Variants in HAS1 observed in about 807,000 individuals in gnomAD.
HAS1 encodes hyaluronan synthase 1.
Under a neutral mutation model 35.0 loss-of-function variants are expected in HAS1, and 27 were observed. The ratio of observed to expected loss-of-function variants is 0.77; its 90% CI spans 0.57 to 1.06. The LOEUF (loss-of-function observed/expected upper bound fraction) is 1.06, where lower values mean the gene tolerates loss of function less well. HAS1 is among the 50% of genes least tolerant of loss of function. HAS1 has a pLI of 0.00. For synonymous variants in HAS1, 409 were observed against 371.2 expected, an observed-to-expected ratio of 1.10 and a Z score of -1.17; for missense variants, 940 against 814.8, an observed-to-expected ratio of 1.15 and a Z score of -1.87.
intron 2 of HAS1, chr19:51,717,942 G>C (rs2083597904): frequency 6.6e-6 from 1 of 152,306 alleles, no homozygotes; most frequent in African/African-American, 2.4e-5. Context: ...TAATGCATTA[G>C]AATTGCTACA....
chr19:51,716,146 G>T, intron 4 of HAS1, 110 bp downstream of exon 4: 3 of 953,826 alleles, frequency 3.1e-6, no homozygotes, highest in African/African-American at 1.6e-5. Context: ...ACTTGATAGA[G>T]CCCATTGTCT....
rs58597876 is a variant in HAS1, at chr19:51,723,884, T to TACACACACACACACACACACAC, written c.9+19_9+40dup. On this transcript the variant is annotated intron_variant, in intron 1 of 4. Coordinates refer to ENST00000540069, the MANE Select transcript of HAS1 (RefSeq NM_001297436.2). ...CAGTAGTTTTCCCCACATGGCTGTATACACACACACACACACACACACACA... is the reference window on the plus strand; with the variant it reads ...CAGTAGTTTTCCCCACATGGCTGTATACACACACACACACACACACACACACACACACACACACACACACACA... 65 of 1,229,204 alleles carry TACACACACACACACACACACAC rather than the reference T, an allele frequency of 5.3e-5. 1 individual carries two copies. The highest frequency in any genetic ancestry group is 3.1e-4 in the East Asian group (11 of 35,314). 76.1% of individuals were successfully genotyped at this position (1,229,204 alleles called of 1,614,324 possible).
chr19:51,722,563 T>C (rs538321981), intron 1 of HAS1, among the ~76,000 whole-genome samples: 1 of 152,334 alleles, frequency 6.6e-6, no homozygotes, highest in East Asian at 1.9e-4. Flanking sequence ...GGCTAAGAAT[T>C]TGTGTGTGTG....
chr19:51,714,064 G>C lies in HAS1; in HGVS notation c.1097C>G (p.Ser366Trp). ...SRSRCYSETP[S>W]SFLRWLSQQT... The stretch of plus-strand genomic sequence containing the variant: ...CTGGCTCAGCCACCGCAGGAAGGAC[G>C]AGGGCGTCTCTGAGTAGCAGCGGGA... Residue 366 changes from serine (S) to tryptophan (W), a missense_variant, in exon 5 of 5, where the codon TCG (serine) becomes TGG (tryptophan). Coordinates refer to ENST00000540069, the MANE Select transcript of HAS1 (RefSeq NM_001297436.2). 4.3e-6 allele frequency: 7 copies of C among 1,613,680 alleles called. No individual in the cohort carries two copies. Among genetic ancestry groups the C allele is most frequent in the Non-Finnish European group, 5.9e-6 (7 of 1,179,876 alleles).
At chr19:51,718,445 T>A (rs1453294817) in intron 2 of HAS1, among the ~76,000 whole-genome samples, 1 of 152,114 alleles carries the variant, frequency 6.6e-6, no homozygotes, top group African/African-American at 2.4e-5. Context: ...AATAAATGAG[T>A]AAATGATCTC....
chr19:51,718,801 T>A (rs1200581943), intron 2 of HAS1, among the ~76,000 whole-genome samples: 4 of 152,180 alleles, frequency 2.6e-5, no homozygotes, highest in Non-Finnish European at 5.9e-5. Context: ...CCTCTCAAAG[T>A]GGCCGGCTGG....
chr19:51,720,008 C>T lies in HAS1; in HGVS notation c.10-113G>A. On this transcript the variant is annotated intron_variant, in intron 1 of 4. Transcript: ENST00000540069. Reference sequence around the variant, plus strand: ...TTCCCTCCTTCCCTTTCCCTCCCCTCCCTCTCTCTCTCCCTCCCTCCGTCC... The same window carrying T: ...TTCCCTCCTTCCCTTTCCCTCCCCTTCCTCTCTCTCTCCCTCCCTCCGTCC... 4.9e-6 allele frequency: 3 copies of T among 606,916 alleles called. No individual in the cohort carries two copies. In the Admixed American group the frequency reaches 9.4e-5, roughly 19 times the overall value. The allele number at this position is 606,916 out of a possible 1,614,324, so 37.6% of individuals were successfully genotyped here.
chr19:51,714,249 G>A (rs991483512), intron 4 of HAS1, 147 bp from the exon 5 acceptor site: 31 of 1,285,780 alleles, frequency 2.4e-5, no homozygotes, highest in Middle Eastern at 2.2e-4. Context: ...TGTAGAATAG[G>A]GTGGATAATG....
chr19:51,714,698 G>GAAAAA (rs55677402), intron 4 of HAS1, among the ~76,000 whole-genome samples: 7 of 126,328 alleles, frequency 5.5e-5, no homozygotes, highest in African/African-American at 2.1e-4. Flanking sequence ...CTCTATCTAA[G>GAAAAA]AAAAAAAAAA....
intron 4 of HAS1, among the ~76,000 whole-genome samples, chr19:51,715,828 G>A (rs977763886): frequency 6.6e-6 from 1 of 152,010 alleles, no homozygotes; most frequent in African/African-American, 2.4e-5. Flanking sequence ...TTTCTCCGTG[G>A]CTCTCTCACT....
In HAS1 at chr19:51,713,459, G is replaced by T. The variant is rs2083554591; in HGVS notation, c.1702C>A (p.Arg568=). The T allele has an allele frequency of 6.4e-7, 1 of 1,552,956 alleles. No individual in the cohort carries two copies. Among genetic ancestry groups the T allele is most frequent in the East Asian group, 2.3e-5 (1 of 43,748 alleles). Residue 568 remains arginine, a synonymous_variant, in exon 5 of 5, where the codon CGG becomes AGG. Coordinates refer to ENST00000540069, the MANE Select transcript of HAS1 (RefSeq NM_001297436.2). This position sits in a 1 kb window ranked among gnomAD's most constrained non-coding sequence, Gnocchi z 4.5. ...YWVGVRRLCR[R]RTGGYRVQV Reference sequence around the variant, plus strand: ...TGGACGCGGTAGCCCCCGGTCCGCCGCCGGCAAAGCCTCCGCACGCCCACC... The same window carrying T: ...TGGACGCGGTAGCCCCCGGTCCGCCTCCGGCAAAGCCTCCGCACGCCCACC...
intron 1 of HAS1, 109 bp from the exon 2 acceptor site, chr19:51,720,004 C>T: frequency 1.6e-6 from 1 of 609,084 alleles, no homozygotes; most frequent in Non-Finnish European, 2.8e-6. Context: ...CCTTTCCCTC[C>T]CCTCCCTCTC....
At chr19:51,720,203 C>G (rs2083621670) in intron 1 of HAS1, among the ~76,000 whole-genome samples, 1 of 151,476 alleles carries the variant, frequency 6.6e-6, no homozygotes, top group South Asian at 2.1e-4. Context: ...GCCTCAGCTT[C>G]CCGAGCTCAG....
At chr19:51,715,912 T>A (rs1264337110) in intron 4 of HAS1, among the ~76,000 whole-genome samples, 1 of 152,194 alleles carries the variant, frequency 6.6e-6, no homozygotes. Flanking sequence ...TTGGTCTCCA[T>A]GACAGAACCA....
chr19:51,717,004 A>C lies in HAS1; in HGVS notation c.889T>G (p.Tyr297Asp), dbSNP rs201369230. The C allele has an allele frequency of 3.0e-5, 48 of 1,613,858 alleles. No individual in the cohort carries two copies. The highest frequency in any genetic ancestry group is 4.0e-5 in the Non-Finnish European group (47 of 1,179,884). ...AFNVERACQS[Y>D]FHCVSCISGP... ...CTGATGCAGGATACACAGTGGAAGTAGCTCTGACAAGCCCGCTCCACATTG... is the reference window on the plus strand; with the variant it reads ...CTGATGCAGGATACACAGTGGAAGTCGCTCTGACAAGCCCGCTCCACATTG... The change falls in exon 3 of 5, where the codon TAC (tyrosine) becomes GAC (aspartate). Residue 297 changes from tyrosine to aspartate, a missense_variant. Transcript: ENST00000540069.
intron 4 of HAS1, 40 bp downstream of exon 4, chr19:51,716,216 G>T: frequency 1.3e-6 from 2 of 1,569,248 alleles, no homozygotes; most frequent in Non-Finnish European, 1.7e-6. Flanking sequence ...ATATTCATTG[G>T]CCTCCACACA....
intron 3 of HAS1, 144 bp from the exon 4 acceptor site, chr19:51,716,532 C>T (rs1599792238): frequency 1.5e-6 from 1 of 683,148 alleles, no homozygotes; most frequent in Non-Finnish European, 2.4e-6. Context: ...ATCTCCAATC[C>T]CATCTCCAGC....
At chr19:51,723,064 A>T (rs1039329494) in intron 1 of HAS1, among the ~76,000 whole-genome samples, 5 of 152,122 alleles carry the variant, frequency 3.3e-5, no homozygotes, top group African/African-American at 1.2e-4. Context: ...GTTCCTAGGG[A>T]TGGCTCAATT....
rs754208574 is a variant in HAS1 at position 51,719,393 on chromosome 19, G to T, written c.512C>A (p.Pro171His). The change falls in exon 2 of 5, where the codon CCC (proline) becomes CAC (histidine). Residue 171 changes from proline to histidine, a missense_variant. Transcript: ENST00000540069. ...GGCGCCCACCGCGCCCGCCGCCGCGGGTTCCCAGGGCTGGTGGTAGTTGCC... is the reference window on the plus strand; with the variant it reads ...GGCGCCCACCGCGCCCGCCGCCGCGTGTTCCCAGGGCTGGTGGTAGTTGCC... ...WDGNYHQPWE[P>H]AAAGAVGAGA... 20 of 1,576,580 alleles carry T rather than the reference G, an allele frequency of 1.3e-5. No individual in the cohort carries two copies. The highest frequency in any genetic ancestry group is 1.7e-5 in the Non-Finnish European group (20 of 1,160,798).
Sources: allele counts gnomAD v4.1 joint callset (sites outside exome capture counted in the v4.1 genomes callset), GRCh38; gene constraint gnomAD v4.1.1; non-coding constraint Gnocchi (gnomAD v3.1); transcripts MANE v1.5; gene names NCBI Gene and HGNC (gene_info 2026-07-23, HGNC 2026-07-21).